The following PCDHA1 variants were observed in gnomAD, a reference collection of about 807,000 sequenced individuals.
PCDHA1 encodes the protein protocadherin alpha-1.
In PCDHA1, 42 loss-of-function variants were observed where a neutral mutation model predicts 61.3. That is an observed-to-expected ratio of 0.69 (90% CI 0.54 to 0.89). The LOEUF is 0.89. Among genes scored for constraint, PCDHA1 ranks in the 40% least tolerant of loss-of-function variants. The pLI is 0.00. For missense variants in PCDHA1, 1,256 were observed against 1,235.3 expected, an observed-to-expected ratio of 1.02 and a Z score of -0.25; for synonymous variants, 610 against 553.8, an observed-to-expected ratio of 1.10 and a Z score of -1.43.
chr5:140,837,346 A>T (rs1387832105), intron 1 of PCDHA1, among the ~76,000 whole-genome samples: 1 of 152,056 alleles, frequency 6.6e-6, no homozygotes, highest in African/African-American at 2.4e-5. Flanking sequence ...AATTTAAAAT[A>T]GTTTAAATGG....
Position 140,851,360 on chromosome 5 carries a change from A to C in PCDHA1, c.2394+62676A>C, listed in dbSNP as rs1554145369. 3.1e-6 allele frequency: 3 copies of C among 978,096 alleles called. No homozygotes were observed. In the African/African-American group the frequency reaches 5.2e-5, roughly 17 times the overall value. 60.6% of individuals were successfully genotyped at this position (978,096 alleles called of 1,614,324 possible). On this transcript the variant is annotated intron_variant, in intron 1 of 3. Transcript: ENST00000504120. ...TACATTTCTCTGGATGGAGACTGTG[A>C]ACATCTGATTGTTCAGCAACCTTCA...
intron 1 of PCDHA1, chr5:140,822,945 C>T: frequency 6.2e-7 from 1 of 1,614,252 alleles, no homozygotes; most frequent in Non-Finnish European, 8.5e-7. Flanking sequence ...CCCTAATGCC[C>T]CACGTTCCCT....
intron 1 of PCDHA1, chr5:140,841,116 TA>T: frequency 1.6e-6 from 1 of 615,476 alleles, no homozygotes; most frequent in Non-Finnish European, 2.8e-6. Flanking sequence ...GTAATTCATG[TA>T]ATCATTACCT....
intron 1 of PCDHA1, chr5:140,848,442 T>C: frequency 1.3e-6 from 2 of 1,489,558 alleles, no homozygotes; most frequent in Non-Finnish European, 1.8e-6. Context: ...ATCAGATGAT[T>C]TCTTCTAATT....
In PCDHA1 at chr5:141,010,480, A is replaced by C; in HGVS notation, c.*543A>C. The C allele has an allele frequency of 1.4e-6, 1 of 696,098 alleles. No individual in the cohort carries two copies. Among genetic ancestry groups the C allele is most frequent in the Non-Finnish European group, 2.2e-6 (1 of 452,208 alleles). 43.1% of individuals were successfully genotyped at this position (696,098 alleles called of 1,614,324 possible). A position where few individuals can be genotyped will look rare whatever the true frequency, so the allele number is the denominator to read the frequency against. On this transcript the variant is annotated 3_prime_UTR_variant, in exon 4 of 4. Transcript: ENST00000504120. ...TTATCAGTATGGAGGGGAAGTGTAA[A>C]CTTAAAGGGACCAGACTTTCTAAAT...
rs190030565 is a variant in PCDHA1, at chr5:140,999,153, C to T, written c.2543-10474C>T. Among the ~76,000 whole-genome samples, 42 of 152,242 alleles carry T rather than the reference C, an allele frequency of 2.8e-4. 1 individual carries two copies. In the East Asian group the frequency reaches 5.2e-3, roughly 19 times the overall value. Reference sequence around the variant, plus strand: ...AATGTCACAGCCGGAAGTCTTCAGTCCCCTAGAAGGAAAAGAGCCTGATGG... The same window carrying T: ...AATGTCACAGCCGGAAGTCTTCAGTTCCCTAGAAGGAAAAGAGCCTGATGG... On this transcript the variant is annotated intron_variant, in intron 3 of 3. Coordinates refer to ENST00000504120, the MANE Select transcript of PCDHA1 (RefSeq NM_018900.4).
At chr5:140,896,226 T>C (rs1554186874) in intron 1 of PCDHA1, among the ~76,000 whole-genome samples, 1 of 152,242 alleles carries the variant, frequency 6.6e-6, no homozygotes, top group Non-Finnish European at 1.5e-5. Flanking sequence ...GTCTTTATAG[T>C]AGAATGACTT....
intron 1 of PCDHA1, chr5:140,816,109 G>C (rs1554126971): frequency 1.3e-5 from 2 of 152,000 alleles, no homozygotes; most frequent in South Asian, 2.1e-4. Flanking sequence ...TTCTCTTATG[G>C]CTTCTTCTTT....
chr5:140,896,750 A>G (rs781993760), intron 1 of PCDHA1, among the ~76,000 whole-genome samples: 3 of 152,114 alleles, frequency 2.0e-5, no homozygotes, highest in Non-Finnish European at 4.4e-5. Flanking sequence ...GATTCTGGAT[A>G]TTAGACCTTT....
intron 1 of PCDHA1, chr5:140,884,234 G>T (rs375170723): frequency 3.7e-6 from 6 of 1,613,500 alleles, no homozygotes; most frequent in Non-Finnish European, 4.2e-6. Context: ...GGACCACGGT[G>T]AGCCCGCGCT....
At chr5:141,002,331 C>T (rs550513057) in intron 3 of PCDHA1, among the ~76,000 whole-genome samples, 1 of 152,372 alleles carries the variant, frequency 6.6e-6, no homozygotes, top group South Asian at 2.1e-4. Context: ...CGGGCTGCAT[C>T]CGCACCCCTT....
intron 1 of PCDHA1, chr5:140,928,604 C>T: frequency 6.2e-7 from 1 of 1,614,198 alleles, no homozygotes; most frequent in Non-Finnish European, 8.5e-7. Context: ...GAAATTGTGC[C>T]CCGCTCTGCC....
chr5:140,882,126 T>C, intron 1 of PCDHA1: 1 of 1,466,718 alleles, frequency 6.8e-7, no homozygotes, highest in East Asian at 2.3e-5. Flanking sequence ...GTTTCTTTCT[T>C]CCTGCAGAAA....
intron 1 of PCDHA1, among the ~76,000 whole-genome samples, chr5:140,918,591 A>G (rs1554198702): frequency 6.6e-6 from 1 of 152,238 alleles, no homozygotes; most frequent in African/African-American, 2.4e-5. Context: ...TATATGTTCT[A>G]TAGATGTTGC....
At chr5:140,855,628 C>T (rs1199061647) in intron 1 of PCDHA1, among the ~76,000 whole-genome samples, 1 of 149,588 alleles carries the variant, frequency 6.7e-6, no homozygotes, top group Non-Finnish European at 1.5e-5. Flanking sequence ...TTTTGAAATT[C>T]GGCTATTGAT....
At chr5:140,907,872 G>A (rs1473403839) in intron 1 of PCDHA1, among the ~76,000 whole-genome samples, 1 of 152,208 alleles carries the variant, frequency 6.6e-6, no homozygotes, top group Non-Finnish European at 1.5e-5. Flanking sequence ...CCGTTGGTGA[G>A]CACTCACATG....
At chr5:140,823,596 G>A (rs2150127281) in intron 1 of PCDHA1, 38 of 1,613,902 alleles carry the variant, frequency 2.4e-5, no homozygotes, top group South Asian at 1.1e-5. Flanking sequence ...CTTGGCTTTC[G>A]TATGAGCTGC....
At chr5:140,846,871 A>G (rs1338632636) in intron 1 of PCDHA1, among the ~76,000 whole-genome samples, 1 of 149,786 alleles carries the variant, frequency 6.7e-6, no homozygotes, top group Non-Finnish European at 1.5e-5. Flanking sequence ...AACAGGTACA[A>G]GAGGTAAATC....
chr5:140,869,340 G>A (rs1554162920), intron 1 of PCDHA1: 4 of 1,614,018 alleles, frequency 2.5e-6, no homozygotes, highest in Non-Finnish European at 3.4e-6. Flanking sequence ...AGGTAAATCT[G>A]CAGAATGGCA....
Sources: allele counts gnomAD v4.1 joint callset (sites outside exome capture counted in the v4.1 genomes callset), GRCh38; gene constraint gnomAD v4.1.1; transcripts MANE v1.5; gene names NCBI Gene and HGNC (gene_info 2026-07-23, HGNC 2026-07-21).